The following CECR2 variants were observed in gnomAD, a reference collection of about 807,000 sequenced individuals.
CECR2 encodes the protein CECR2 histone acetyl-lysine reader, also known as chromatin remodeling regulator CECR2.
CECR2 carries 30 observed loss-of-function variants against 154.5 expected under a neutral mutation model. That is an observed-to-expected ratio of 0.19 (90% CI 0.15 to 0.26). The LOEUF is 0.26. CECR2 is among the 10% of genes least tolerant of loss of function. The pLI, the probability that CECR2 is intolerant of heterozygous loss-of-function variation, is 1.00. For missense variants in CECR2, 1,743 were observed against 1,829.3 expected (o/e 0.95, Z 0.86); for synonymous variants, 725 against 683.7 (o/e 1.06, Z -0.94).
At chr22:17,544,553 G>A (rs1233815886) in intron 16 of CECR2, among the ~76,000 whole-genome samples, 2 of 149,394 alleles carry the variant, frequency 1.3e-5, no homozygotes, top group Admixed American at 6.7e-5. Context: ...GCTCATGCCT[G>A]TAATTCCAGC....
intron 1 of CECR2, among the ~76,000 whole-genome samples, chr22:17,371,346 G>A (rs1354277396): frequency 9.2e-5 from 14 of 152,166 alleles, no homozygotes; most frequent in African/African-American, 3.4e-4. Context: ...GAGGAAATGT[G>A]GGCTTCTCCA....
chr22:17,460,946 C>G (rs1230735959), intron 1 of CECR2, among the ~76,000 whole-genome samples: 1 of 152,162 alleles, frequency 6.6e-6, no homozygotes, highest in Non-Finnish European at 1.5e-5. Flanking sequence ...AAAAACTAAC[C>G]AAGTTTGGCT....
intron 1 of CECR2, among the ~76,000 whole-genome samples, chr22:17,405,639 C>CAAA (rs58874516): frequency 1.1e-4 from 8 of 72,324 alleles, no homozygotes; most frequent in South Asian, 7.2e-4. Flanking sequence ...GACTCCATCT[C>CAAA]AAAAAAAAAA....
intron 1 of CECR2, among the ~76,000 whole-genome samples, chr22:17,429,432 TGG>T (rs2054384349): frequency 6.6e-6 from 1 of 151,366 alleles, no homozygotes; most frequent in Non-Finnish European, 1.5e-5. Context: ...CCGGGCGCGG[TGG>T]CTCACACCTG....
rs1250310966 is a variant in CECR2 at position 17,537,195 on chromosome 22, A to G, written c.1201A>G (p.Asn401Asp). The change falls in exon 10 of 19, where the codon AAT becomes GAT. Residue 401 changes from asparagine (N) to aspartate (D), a missense_variant. By Grantham distance (23) the Asn-to-Asp change is conservative. Around this residue, in one of 4 missense-constraint regions of CECR2, gnomAD observed 292 missense variants for 301.2 expected, o/e 0.97. Transcript: ENST00000262608. ...TCCAGAACTTTCCCATCTGGACCCCAATTCCCCCATGAGAGAGGAAAAAAA... is the reference window on the plus strand; with the variant it reads ...TCCAGAACTTTCCCATCTGGACCCCGATTCCCCCATGAGAGAGGAAAAAAA... ...LPPELSHLDP[N>D]SPMREEKKTK... The G allele has an allele frequency of 6.2e-7, 1 of 1,613,868 alleles. No homozygotes were observed. The highest frequency in any genetic ancestry group is 8.5e-7 in the Non-Finnish European group (1 of 1,179,894).
intron 8 of CECR2, among the ~76,000 whole-genome samples, chr22:17,512,331 T>C (rs906450213): frequency 1.6e-4 from 24 of 151,194 alleles, no homozygotes; most frequent in African/African-American, 5.8e-4. Flanking sequence ...ACTACAGGAG[T>C]AGTAGAAACA....
At chr22:17,450,963 T>C (rs577881095) in intron 1 of CECR2, among the ~76,000 whole-genome samples, 1 of 152,362 alleles carries the variant, frequency 6.6e-6, no homozygotes, top group East Asian at 1.9e-4. Context: ...CTGCTTTTCG[T>C]TGCACCTTCT....
Position 17,549,276 on chromosome 22 carries a change from G to T in CECR2, c.3989G>T (p.Gly1330Val). 6.2e-7 allele frequency: 1 copy of T among 1,614,012 alleles called. No homozygotes were observed. ...GTPPPLSSGM[G>V]FGSSAFPPHS... is the part of the protein sequence containing the mutation. Reference sequence around the variant, plus strand: ...CCTCCGCCTCTGAGTTCAGGAATGGGATTTGGTTCATCTGCATTTCCACCC... The same window carrying T: ...CCTCCGCCTCTGAGTTCAGGAATGGTATTTGGTTCATCTGCATTTCCACCC... The change falls in exon 17 of 19, where the codon GGA (glycine) becomes GTA (valine). Residue 1330 changes from glycine to valine, a missense_variant. Physicochemically the swap from Gly to Val is moderately radical, Grantham distance 109 (BLOSUM62 -3). This residue lies in a region of CECR2 where 1,250 missense variants were observed against 1,192.1 expected (regional missense o/e 1.05). Transcript: ENST00000262608.
intron 8 of CECR2, among the ~76,000 whole-genome samples, chr22:17,521,266 C>T (rs545755111): frequency 2.0e-5 from 3 of 152,252 alleles, no homozygotes; most frequent in Non-Finnish European, 4.4e-5. Flanking sequence ...TTCGGCCGGG[C>T]GCAGTGGCTC....
chr22:17,403,042 G>C (rs5747102), intron 1 of CECR2, among the ~76,000 whole-genome samples: 82,387 of 152,080 alleles, frequency 0.54, 22,756 homozygotes, highest in African/African-American at 0.62. Flanking sequence ...GCGTGAGCCA[G>C]CGCACCCGGC....
chr22:17,505,534 CTTTTTTTTTTTT>C (rs11387639), intron 7 of CECR2, among the ~76,000 whole-genome samples: 39 of 98,848 alleles, frequency 3.9e-4, no homozygotes, highest in African/African-American at 1.1e-3. Context: ...CCTCTTTTTC[CTTTTTTTTTTTT>C]TTTTTTTTTT....
At chr22:17,498,243 T>C (rs757995361) in intron 3 of CECR2, among the ~76,000 whole-genome samples, 3 of 151,934 alleles carry the variant, frequency 2.0e-5, no homozygotes, top group Admixed American at 6.6e-5. Context: ...AAAAAAAAAT[T>C]AGCCGGGCGT....
In CECR2 at chr22:17,480,459, C is replaced by CACACACACACACACACACAGAG. The variant is rs373106595; in HGVS notation, c.221+2778_221+2779insCACACACACACACACACAGAGA. 4.1e-4 allele frequency among the ~76,000 whole-genome samples: 59 copies of CACACACACACACACACACAGAG among 143,732 alleles called. 1 individual carries two copies. Among genetic ancestry groups the CACACACACACACACACACAGAG allele is most frequent in the Non-Finnish European group, 7.5e-4 (49 of 65,572 alleles). The allele number at this position is 143,732 out of a possible 152,430, so 94.3% of individuals were successfully genotyped here. A position where few individuals can be genotyped will look rare whatever the true frequency, so the allele number is the denominator to read the frequency against. ...ACACACACACACACACACACACACA[C>CACACACACACACACACACAGAG]AGAGAAAAGTGCTCATTTCCTAATT... On this transcript the variant is annotated intron_variant, in intron 2 of 18. Coordinates refer to ENST00000262608, the MANE Select transcript of CECR2 (RefSeq NM_001290047.2).
In CECR2 at chr22:17,553,043, TCCTCGGC is replaced by T; in HGVS notation, c.*205_*211del. 2 of 1,254,520 alleles carry T rather than the reference TCCTCGGC, an allele frequency of 1.6e-6. No homozygotes were observed. The highest frequency in any genetic ancestry group is 2.1e-6 in the Non-Finnish European group (2 of 971,322). The allele number at this position is 1,254,520 out of a possible 1,614,324, so 77.7% of individuals were successfully genotyped here. A position where few individuals can be genotyped will look rare whatever the true frequency, so the allele number is the denominator to read the frequency against. ...ATGACTGACACACAGATTGCAAAGG[TCCTCGGC>T]CAGGGATCTCTTGCACAGCTGATGT... On this transcript the variant is annotated 3_prime_UTR_variant, in exon 19 of 19. Transcript: ENST00000262608.
At chr22:17,360,390 C>T (rs1426221422) in intron 1 of CECR2, among the ~76,000 whole-genome samples, 2 of 152,090 alleles carry the variant, frequency 1.3e-5, no homozygotes, top group African/African-American at 4.8e-5. Flanking sequence ...ACAAACAAAA[C>T]AAAACACTAG....
At position 17,545,374 on chromosome 22, in the gene CECR2, C is replaced by CAAAAAAAAAA. The variant is rs695493; in HGVS notation, c.2860+2385_2860+2394dup. On this transcript the variant is annotated intron_variant, in intron 16 of 18. Coordinates refer to ENST00000262608, the MANE Select transcript of CECR2 (RefSeq NM_001290047.2). ...TGGGCGAAACAGCGAGACTCCGTCT[C>CAAAAAAAAAA]AAAAAAAAAAAAAAAAAAAAAAAGA... Among the ~76,000 whole-genome samples, 112 of 46,426 alleles carry CAAAAAAAAAA rather than the reference C, an allele frequency of 2.4e-3. 9 individuals are homozygous for CAAAAAAAAAA. The highest frequency in any genetic ancestry group is 9.0e-3 in the African/African-American group (100 of 11,094). 30.5% of individuals were successfully genotyped at this position (46,426 alleles called of 152,430 possible). A position where few individuals can be genotyped will look rare whatever the true frequency, so the allele number is the denominator to read the frequency against.
chr22:17,533,681 A>G (rs933912654), intron 9 of CECR2, among the ~76,000 whole-genome samples: 3 of 150,882 alleles, frequency 2.0e-5, no homozygotes, highest in African/African-American at 7.3e-5. Flanking sequence ...AAATTCATAT[A>G]AAAGAGCAAA....
chr22:17,451,359 A>G (rs1289606249), intron 1 of CECR2, among the ~76,000 whole-genome samples: 2 of 152,158 alleles, frequency 1.3e-5, no homozygotes, highest in Admixed American at 6.5e-5. Context: ...TTGGTTGTAC[A>G]TTGTGTGGTG....
chr22:17,440,718 G>C (rs925197178), intron 1 of CECR2, among the ~76,000 whole-genome samples: 1 of 152,002 alleles, frequency 6.6e-6, no homozygotes, highest in Non-Finnish European at 1.5e-5. Context: ...TCAAGTCTCC[G>C]AACAGATTTA....
Sources: gnomAD v4.1 joint callset for allele counts (sites outside exome capture counted in the v4.1 genomes callset) on GRCh38, gnomAD v4.1.1 for gene constraint, gnomAD v4.1.1 regional missense constraint, MANE v1.5 for transcripts, NCBI Gene and HGNC (gene_info 2026-07-23, HGNC 2026-07-21) for gene names.